Variants in TARBP1 observed in about 807,000 individuals in gnomAD.
TARBP1 encodes tRNA (guanosine(18)-2'-O)-methyltransferase TARBP1.
TARBP1 carries 144 observed loss-of-function variants against 178.6 expected under a neutral mutation model. The ratio of observed to expected loss-of-function variants is 0.81; its 90% confidence interval spans 0.70 to 0.93. TARBP1 has a LOEUF of 0.93. Ranked by LOEUF, TARBP1 falls within the 40% of genes least tolerant of loss-of-function variation. The pLI is 0.00. For synonymous variants in TARBP1, 787 were observed against 781.0 expected (o/e 1.01, Z -0.13); for missense variants, 2,067 against 2,011.7 (o/e 1.03, Z -0.53).
At chr1:234,409,410 G>A (rs1198226329) in intron 23 of TARBP1, among the ~76,000 whole-genome samples, 1 of 152,148 alleles carries the variant, frequency 6.6e-6, no homozygotes, top group African/African-American at 2.4e-5. Context: ...TGTCTGCTCT[G>A]TTTTAGCTTT....
At chr1:234,419,292 A>T (rs2103091809) in intron 21 of TARBP1, among the ~76,000 whole-genome samples, 1 of 152,370 alleles carries the variant, frequency 6.6e-6, no homozygotes, top group Non-Finnish European at 1.5e-5. Flanking sequence ...GAAAAAGAGC[A>T]GAAGGGCTCA....
In TARBP1 at chr1:234,450,074, T is replaced by A. The variant is rs2224642; in HGVS notation, c.1861+354A>T. ...AAGATAAACACGTATTTCCAATGCA[T>A]ATATTTCCACTACAGAGGCTCCAAA... On this transcript the variant is annotated intron_variant, in intron 10 of 29. Coordinates refer to ENST00000040877, the MANE Select transcript of TARBP1 (RefSeq NM_005646.4). Among the ~76,000 whole-genome samples, 4 of 152,160 alleles carry A rather than the reference T, an allele frequency of 2.6e-5. No individual in the cohort carries two copies. In the East Asian group the frequency reaches 7.7e-4, roughly 29 times the overall value.
rs978108080 is a variant in TARBP1, at chr1:234,459,399, G to A, written c.1536-73C>T. ...TCTGATAATTTGTGATTATCAACAAGTTGATTTATAACAACTACACTTCCT... is the reference window on the plus strand; with the variant it reads ...TCTGATAATTTGTGATTATCAACAAATTGATTTATAACAACTACACTTCCT... On this transcript the variant is annotated intron_variant, in intron 7 of 29. Coordinates refer to ENST00000040877, the MANE Select transcript of TARBP1 (RefSeq NM_005646.4). The A allele has an allele frequency of 1.6e-5, 19 of 1,207,530 alleles. No homozygotes were observed. The Admixed American group carries it at 3.6e-4, about 23-fold the overall frequency. The allele number at this position is 1,207,530 out of a possible 1,614,324, so 74.8% of individuals were successfully genotyped here.
At chr1:234,394,708 A>G (rs1659740717) in intron 26 of TARBP1, among the ~76,000 whole-genome samples, 1 of 152,262 alleles carries the variant, frequency 6.6e-6, no homozygotes, top group African/African-American at 2.4e-5. Flanking sequence ...CATGGTTCAG[A>G]CAGCAGCAAG....
At chr1:234,453,010 C>G (rs1340842052) in intron 9 of TARBP1, among the ~76,000 whole-genome samples, 1 of 151,970 alleles carries the variant, frequency 6.6e-6, no homozygotes, top group Admixed American at 6.6e-5. Flanking sequence ...ATGGAAAAGA[C>G]AAAACTATAG....
At chr1:234,442,284 T>C (rs771279863) in intron 12 of TARBP1, among the ~76,000 whole-genome samples, 1 of 152,078 alleles carries the variant, frequency 6.6e-6, no homozygotes. Context: ...AAGACACTGT[T>C]GAGAAAATGA....
chr1:234,469,060 CTTTTTTTT>C (rs765324709), intron 3 of TARBP1, among the ~76,000 whole-genome samples: 2,322 of 68,484 alleles, frequency 0.034, 137 homozygotes, highest in African/African-American at 0.12. Flanking sequence ...CGGTTTTTGC[CTTTTTTTT>C]TTTTTTTTTA....
Position 234,406,146 on chromosome 1 carries a change from T to G in TARBP1, c.3793-47A>C, listed in dbSNP as rs1199223126. The G allele has an allele frequency of 3.2e-6, 5 of 1,561,850 alleles. No homozygotes were observed. The South Asian group carries it at 5.7e-5, about 18-fold the overall frequency. On this transcript the variant is annotated intron_variant, in intron 23 of 29. Coordinates refer to ENST00000040877, the MANE Select transcript of TARBP1 (RefSeq NM_005646.4). ...TCCTCAAAACACAGACATGGACCAT[T>G]TTACTCTCACTTGTATGACACAAAA...
intron 20 of TARBP1, among the ~76,000 whole-genome samples, chr1:234,421,082 T>G (rs1212518424): frequency 6.6e-6 from 1 of 152,134 alleles, no homozygotes; most frequent in Non-Finnish European, 1.5e-5. Flanking sequence ...ACTTACATGT[T>G]TTTTGTTTGT....
intron 9 of TARBP1, among the ~76,000 whole-genome samples, chr1:234,457,199 A>T (rs1359924963): frequency 6.6e-6 from 1 of 152,216 alleles, no homozygotes; most frequent in East Asian, 1.9e-4. Context: ...CATGGAGAAG[A>T]GGAAAGATGT....
intron 1 of TARBP1, among the ~76,000 whole-genome samples, chr1:234,477,358 T>C (rs1571901230): frequency 6.6e-6 from 1 of 152,364 alleles, no homozygotes; most frequent in South Asian, 2.1e-4. Context: ...TACTTGAAAA[T>C]ATAACCTCAT....
chr1:234,435,377 C>CGG (rs112010867), intron 13 of TARBP1, among the ~76,000 whole-genome samples: 20,361 of 152,092 alleles, frequency 0.13, 1,502 homozygotes, highest in Middle Eastern at 0.26. Context: ...ACCAGCTACT[C>CGG]GAGGCTGAGG....
intron 22 of TARBP1, among the ~76,000 whole-genome samples, chr1:234,416,817 G>T (rs188933991): frequency 1.3e-5 from 2 of 152,170 alleles, no homozygotes; most frequent in Middle Eastern, 3.2e-3. Flanking sequence ...GTTTAACACA[G>T]GGTGAAGTTT....
Position 234,429,683 on chromosome 1 carries a change from A to G in TARBP1, c.2610-6T>C. On this transcript the variant is annotated splice_region_variant and splice_polypyrimidine_tract_variant and intron_variant, in intron 15 of 29. Coordinates refer to ENST00000040877, the MANE Select transcript of TARBP1 (RefSeq NM_005646.4). Reference sequence around the variant, plus strand: ...ATGACGATTCTTCCAAAACACTGAAATAAAAAATAAAGTTACTAGGCCATA... The same window carrying G: ...ATGACGATTCTTCCAAAACACTGAAGTAAAAAATAAAGTTACTAGGCCATA... 1 of 1,587,030 alleles carries G rather than the reference A, an allele frequency of 6.3e-7. No individual in the cohort carries two copies. The highest frequency in any genetic ancestry group is 8.6e-7 in the Non-Finnish European group (1 of 1,167,710).
chr1:234,417,738 G>A (rs1297750983), intron 22 of TARBP1, among the ~76,000 whole-genome samples: 4 of 152,044 alleles, frequency 2.6e-5, no homozygotes, highest in African/African-American at 9.7e-5. Flanking sequence ...CAATTTTAAG[G>A]AACGCAATTA....
intron 1 of TARBP1, among the ~76,000 whole-genome samples, chr1:234,477,605 T>C (rs1305883066): frequency 1.3e-5 from 2 of 152,190 alleles, no homozygotes; most frequent in Admixed American, 6.5e-5. Flanking sequence ...AGTTAAAAAA[T>C]AAAATCTGAT....
chr1:234,476,455 G>T (rs1669577983), intron 1 of TARBP1, among the ~76,000 whole-genome samples: 1 of 152,192 alleles, frequency 6.6e-6, no homozygotes, highest in Non-Finnish European at 1.5e-5. Flanking sequence ...GGAGAAACCT[G>T]CGACATCTGG....
At chr1:234,404,770 CT>C (rs1010063976) in intron 24 of TARBP1, among the ~76,000 whole-genome samples, 2 of 152,232 alleles carry the variant, frequency 1.3e-5, no homozygotes, top group African/African-American at 4.8e-5. Flanking sequence ...ACAGCTAACT[CT>C]CTTTTTCTCC....
intron 2 of TARBP1, among the ~76,000 whole-genome samples, chr1:234,472,186 A>C (rs1436029656): frequency 6.6e-6 from 1 of 151,926 alleles, no homozygotes; most frequent in African/African-American, 2.4e-5. Flanking sequence ...AAAATACAAA[A>C]ATTAGCCAGT....
Sources: gnomAD v4.1 joint callset for allele counts (sites outside exome capture counted in the v4.1 genomes callset) on GRCh38, gnomAD v4.1.1 for gene constraint, MANE v1.5 for transcripts, NCBI Gene and HGNC (gene_info 2026-07-23, HGNC 2026-07-21) for gene names.